Variants in SV2C observed in about 807,000 individuals in gnomAD.
SV2C encodes synaptic vesicle glycoprotein 2C.
Under a neutral mutation model 79.7 loss-of-function variants are expected in SV2C, and 49 were observed. The observed-to-expected ratio is 0.61, with a 90% CI of 0.49 to 0.78. The LOEUF (loss-of-function observed/expected upper bound fraction) is 0.78, where lower values mean the gene tolerates loss of function less well. SV2C is among the 30% of genes least tolerant of loss of function. The pLI, the probability that SV2C is intolerant of heterozygous loss-of-function variation, is 0.00. For missense variants in SV2C, 833 were observed against 912.9 expected (o/e 0.91, Z 1.13); for synonymous variants, 334 against 333.2 (o/e 1.00, Z -0.03).
intron 4 of SV2C, among the ~76,000 whole-genome samples, chr5:76,274,315 G>T (rs1746958353): frequency 6.6e-6 from 1 of 152,072 alleles, no homozygotes; most frequent in Non-Finnish European, 1.5e-5. Context: ...CTTCAGAATG[G>T]AGGACTATAA....
the SV2C span, among the ~76,000 whole-genome samples, chr5:75,896,688 T>A: frequency 6.6e-6 from 1 of 151,318 alleles, no homozygotes; most frequent in Admixed American, 6.6e-5. Flanking sequence ...CCACCAACAG[T>A]GTAAAAGTGT....
At chr5:76,051,681 T>A in the SV2C span, among the ~76,000 whole-genome samples, 2 of 152,122 alleles carry the variant, frequency 1.3e-5, no homozygotes, top group African/African-American at 4.8e-5. Flanking sequence ...AAACTAACTT[T>A]CATAAATTCA....
chr5:76,107,672 T>C (rs747630551), intron 1 of SV2C, among the ~76,000 whole-genome samples: 5 of 152,088 alleles, frequency 3.3e-5, no homozygotes, highest in South Asian at 2.1e-4. Flanking sequence ...GAGAACAACA[T>C]GGTGAAACCG....
intron 2 of SV2C, among the ~76,000 whole-genome samples, chr5:76,174,494 A>T (rs1743461463): frequency 6.6e-6 from 1 of 152,064 alleles, no homozygotes; most frequent in Admixed American, 6.5e-5. Context: ...AACAAGAAAG[A>T]GAGAGATCCT....
the SV2C span, among the ~76,000 whole-genome samples, chr5:75,969,645 C>T: frequency 7.2e-5 from 11 of 152,110 alleles, no homozygotes; most frequent in Non-Finnish European, 1.5e-4. Flanking sequence ...TATATGCACC[C>T]AATACAGGAG....
At chr5:76,073,302 A>G in the SV2C span, among the ~76,000 whole-genome samples, 4 of 151,904 alleles carry the variant, frequency 2.6e-5, no homozygotes, top group African/African-American at 7.3e-5. Flanking sequence ...TTATTCTTCT[A>G]TATATGGCTT....
the SV2C span, chr5:75,911,068 T>C: frequency 7.8e-7 from 1 of 1,284,708 alleles, no homozygotes; most frequent in South Asian, 1.2e-5. Flanking sequence ...CAACTGAAGA[T>C]CTGGAACCTG....
chr5:75,939,671 C>A, the SV2C span, among the ~76,000 whole-genome samples: 123 of 152,236 alleles, frequency 8.1e-4, 1 homozygote, highest in Middle Eastern at 6.8e-3. Context: ...TCTAATTGTG[C>A]GATAATTTTA....
intron 1 of SV2C, among the ~76,000 whole-genome samples, chr5:76,089,756 G>A (rs1028561543): frequency 3.3e-5 from 5 of 152,134 alleles, no homozygotes; most frequent in Admixed American, 1.3e-4. Flanking sequence ...TTGTGGTTCC[G>A]ATTTGCATTT....
chr5:76,272,901 T>C (rs1243345791), intron 4 of SV2C, among the ~76,000 whole-genome samples: 2 of 152,040 alleles, frequency 1.3e-5, no homozygotes, highest in South Asian at 2.1e-4. Flanking sequence ...ATAGTTTATA[T>C]ATAAATACAA....
At chr5:75,948,720 G>A in the SV2C span, among the ~76,000 whole-genome samples, 1 of 151,928 alleles carries the variant, frequency 6.6e-6, no homozygotes, top group Non-Finnish European at 1.5e-5. Flanking sequence ...AAATATAAAA[G>A]CCCTGAGTAT....
intron 4 of SV2C, among the ~76,000 whole-genome samples, chr5:76,268,771 G>A (rs1561291407): frequency 6.6e-6 from 1 of 152,234 alleles, no homozygotes; most frequent in East Asian, 1.9e-4. Flanking sequence ...CTTTCATTGT[G>A]TGTCACCTTT....
At chr5:76,121,188 A>G (rs1032032225) in intron 1 of SV2C, among the ~76,000 whole-genome samples, 9 of 151,932 alleles carry the variant, frequency 5.9e-5, no homozygotes, top group African/African-American at 9.7e-5. Context: ...GTCTGTTCAT[A>G]TCCTTTGCCC....
chr5:76,017,616 C>G, the SV2C span, among the ~76,000 whole-genome samples: 1 of 152,260 alleles, frequency 6.6e-6, no homozygotes, highest in Admixed American at 6.5e-5. Flanking sequence ...AGCATTTCCT[C>G]ATTAATCTCC....
At chr5:75,946,700 C>T in the SV2C span, among the ~76,000 whole-genome samples, 2 of 151,992 alleles carry the variant, frequency 1.3e-5, no homozygotes, top group African/African-American at 2.4e-5. Context: ...TGATTTCATT[C>T]GTATAACATT....
the SV2C span, among the ~76,000 whole-genome samples, chr5:75,869,843 G>A: frequency 6.6e-6 from 1 of 152,184 alleles, no homozygotes; most frequent in Non-Finnish European, 1.5e-5. Context: ...AGAACATAAG[G>A]GGAGAGAGCA....
the SV2C span, among the ~76,000 whole-genome samples, chr5:75,882,561 A>G: frequency 6.6e-6 from 1 of 152,156 alleles, no homozygotes; most frequent in Non-Finnish European, 1.5e-5. Flanking sequence ...GATATAGATC[A>G]ATGGAACAGA....
At chr5:76,343,211 ATTTTTGTGTATC>A (rs1749476746) in intron 12 of SV2C, among the ~76,000 whole-genome samples, 1 of 152,190 alleles carries the variant, frequency 6.6e-6, no homozygotes, top group Admixed American at 6.5e-5. Flanking sequence ...GCTGGAATTC[ATTTTTGTGTATC>A]TTTAGTAGTC....
chr5:76,304,503 T>G (rs1561308150), intron 12 of SV2C, among the ~76,000 whole-genome samples: 1 of 152,198 alleles, frequency 6.6e-6, no homozygotes. Context: ...AACACAAAAA[T>G]TCTGGCTAGA....
Sources: gnomAD v4.1 joint callset for allele counts (sites outside exome capture counted in the v4.1 genomes callset) on GRCh38, gnomAD v4.1.1 for gene constraint, MANE v1.5 for transcripts, NCBI Gene and HGNC (gene_info 2026-07-23, HGNC 2026-07-21) for gene names.